Variants in MILR1 observed in about 807,000 individuals in gnomAD.
MILR1 encodes the protein allergin-1.
MILR1 carries 31 observed loss-of-function variants against 18.5 expected under a neutral mutation model. The ratio of observed to expected loss-of-function variants is 1.68; its 90% CI spans 1.26 to 2.26. MILR1 has a LOEUF of 2.26. Ranked by LOEUF, MILR1 falls within the 30% of genes most tolerant of loss-of-function variation. The pLI, the probability that MILR1 is intolerant of heterozygous loss-of-function variation, is 0.00. For synonymous variants in MILR1, 85 were observed against 56.2 expected (o/e 1.51, Z -2.30); for missense variants, 257 against 157.4 (o/e 1.63, Z -3.38).
the MILR1 span, chr17:64,485,974 T>C: frequency 9.5e-7 from 1 of 1,055,308 alleles, no homozygotes; most frequent in Non-Finnish European, 1.4e-6. Flanking sequence ...TGGAGTGCAG[T>C]GGCATGATCT....
chr17:64,461,381 G>A, intron 5 of MILR1, among the ~76,000 whole-genome samples: 1 of 152,120 alleles, frequency 6.6e-6, no homozygotes, highest in Non-Finnish European at 1.5e-5. Context: ...CCAAGAAGCT[G>A]GGATTACAGG....
chr17:64,496,771 G>C, the MILR1 span: 1 of 1,613,800 alleles, frequency 6.2e-7, no homozygotes, highest in South Asian at 1.1e-5. Context: ...ACAGCGCCTC[G>C]CTTCCCTCTC....
chr17:64,486,361 CT>C, the MILR1 span, among the ~76,000 whole-genome samples: 194 of 140,928 alleles, frequency 1.4e-3, no homozygotes, highest in Middle Eastern at 3.6e-3. Context: ...AAAGGTAACA[CT>C]TTTTTTTTTT....
chr17:64,479,743 A>G, the MILR1 span, among the ~76,000 whole-genome samples: 3 of 152,216 alleles, frequency 2.0e-5, no homozygotes, highest in Admixed American at 6.5e-5. Context: ...ACAGAGATGG[A>G]TGAGATACAT....
At chr17:64,497,179 C>T in the MILR1 span, 3 of 624,972 alleles carry the variant, frequency 4.8e-6, no homozygotes, top group Non-Finnish European at 2.8e-6. Flanking sequence ...TCGGATGGTT[C>T]TCTGCTAGCT....
At chr17:64,489,875 T>G in the MILR1 span, among the ~76,000 whole-genome samples, 14 of 152,120 alleles carry the variant, frequency 9.2e-5, no homozygotes, top group Non-Finnish European at 1.9e-4. Context: ...AGAAATTGTC[T>G]GCATCATCTT....
chr17:64,465,319 G>T, intron 5 of MILR1, 133 bp from the exon 6 acceptor site: 2 of 654,254 alleles, frequency 3.1e-6, no homozygotes, highest in Non-Finnish European at 5.4e-6. Flanking sequence ...TCCTTTGTTA[G>T]ACAACAGTTT....
At chr17:64,478,074 T>C in the MILR1 span, 4 of 1,404,942 alleles carry the variant, frequency 2.8e-6, no homozygotes, top group Non-Finnish European at 4.0e-6. Context: ...TCAGTGTTCA[T>C]GCACTCTCAA....
At chr17:64,472,465 C>CAA (rs71158332), downstream of MILR1, among the ~76,000 whole-genome samples, 594 of 13,846 alleles carry the variant, frequency 0.043, 47 homozygotes, top group East Asian at 0.11. Flanking sequence ...GACTCCATCT[C>CAA]AAAAAAAAAA....
At chr17:64,489,275 T>TA in the MILR1 span, among the ~76,000 whole-genome samples, 10 of 141,988 alleles carry the variant, frequency 7.0e-5, no homozygotes, top group Admixed American at 3.6e-4. Flanking sequence ...AATACCAATT[T>TA]AAAAAAAAAA....
intron 5 of MILR1, among the ~76,000 whole-genome samples, chr17:64,463,926 C>T (rs1189984228): frequency 2.7e-5 from 4 of 149,854 alleles, no homozygotes; most frequent in African/African-American, 4.9e-5. Context: ...CAGGTTCAAG[C>T]GTTTCTCCTG....
At chr17:64,492,528 CAA>C in the MILR1 span, 1 of 637,936 alleles carries the variant, frequency 1.6e-6, no homozygotes, top group Non-Finnish European at 2.8e-6. Context: ...AAAATTGTTA[CAA>C]AGAGTTTTTG....
downstream of MILR1, among the ~76,000 whole-genome samples, chr17:64,472,911 T>C (rs1290015281): frequency 6.6e-6 from 1 of 152,140 alleles, no homozygotes; most frequent in Admixed American, 6.5e-5. Flanking sequence ...AATAATCCAG[T>C]AGAAAACTGG....
chr17:64,495,242 T>C, the MILR1 span, among the ~76,000 whole-genome samples: 17 of 150,624 alleles, frequency 1.1e-4, no homozygotes, highest in African/African-American at 3.9e-4. Context: ...TGAGGGTCAT[T>C]GCTTCTAGGA....
intron 4 of MILR1, 99 bp from the exon 5 acceptor site, chr17:64,460,723 G>A: frequency 2.3e-6 from 1 of 443,042 alleles, no homozygotes; most frequent in Non-Finnish European, 4.2e-6. Flanking sequence ...TAGTACATTG[G>A]TTAACTTGGG....
At chr17:64,491,627 T>A in the MILR1 span, 3 of 1,515,636 alleles carry the variant, frequency 2.0e-6, no homozygotes, top group South Asian at 3.4e-5. Flanking sequence ...GTGGCCTTGA[T>A]GGAGCGTTTC....
intron 4 of MILR1, among the ~76,000 whole-genome samples, chr17:64,458,771 T>C (rs1270635862): frequency 6.6e-6 from 1 of 151,986 alleles, no homozygotes; most frequent in Non-Finnish European, 1.5e-5. Context: ...TCTAGGTACC[T>C]GGACCAAAAT....
At chr17:64,467,820 A>G (rs1311099037) in intron 9 of MILR1, 175 bp downstream of exon 9, 3 of 448,826 alleles carry the variant, frequency 6.7e-6, no homozygotes, top group Non-Finnish European at 1.2e-5. Flanking sequence ...GTGTAGTCCC[A>G]GCTACTCGGG....
Position 64,457,702 on chromosome 17 carries a change from T to A in MILR1, c.652+18T>A. On this transcript the variant is annotated intron_variant, in intron 4 of 9. Transcript: ENST00000619286. ...CTCAACAGGTAAGAGCAACCTGAGT[T>A]CTTTCAGCCAGGTCTGAACTCACTT... is the stretch of plus-strand genomic sequence containing the variant. The A allele has an allele frequency of 2.1e-6, 1 of 472,354 alleles. No homozygotes were observed. Among genetic ancestry groups the A allele is most frequent in the Non-Finnish European group, 3.9e-6 (1 of 259,060 alleles). The allele number at this position is 472,354 out of a possible 1,614,324, so 29.3% of individuals were successfully genotyped here.
Sources: gnomAD v4.1 joint callset for allele counts (sites outside exome capture counted in the v4.1 genomes callset) on GRCh38, gnomAD v4.1.1 for gene constraint, MANE v1.5 for transcripts, NCBI Gene and HGNC (gene_info 2026-07-23, HGNC 2026-07-21) for gene names.